Variants in MAML3 observed in about 807,000 individuals in gnomAD.
MAML3 encodes the protein mastermind like transcriptional coactivator 3.
MAML3 carries 27 observed loss-of-function variants against 101.9 expected under a neutral mutation model. The observed-to-expected ratio is 0.27, with a 90% CI of 0.20 to 0.37. MAML3 has a LOEUF of 0.37. Ranked by LOEUF, MAML3 falls within the 10% of genes least tolerant of loss-of-function variation. The pLI is 1.00. For missense variants in MAML3, 1,316 were observed against 1,444.9 expected, an observed-to-expected ratio of 0.91 and a Z score of 1.45; for synonymous variants, 501 against 555.9, an observed-to-expected ratio of 0.90 and a Z score of 1.39.
At chr4:139,792,444 C>A (rs988505605) in intron 2 of MAML3, among the ~76,000 whole-genome samples, 11 of 152,176 alleles carry the variant, frequency 7.2e-5, no homozygotes, top group African/African-American at 2.7e-4. Flanking sequence ...TCATAAGGAT[C>A]TGAGTTACAA....
intron 2 of MAML3, among the ~76,000 whole-genome samples, chr4:139,737,609 C>T (rs1330295584): frequency 6.6e-6 from 1 of 151,988 alleles, no homozygotes; most frequent in Non-Finnish European, 1.5e-5. Context: ...TCTGTGGTAT[C>T]AACTTTGACA....
intron 2 of MAML3, among the ~76,000 whole-genome samples, chr4:139,756,684 C>T (rs898365908): frequency 3.3e-5 from 5 of 152,186 alleles, no homozygotes; most frequent in Non-Finnish European, 5.9e-5. Flanking sequence ...CTGCACCTTC[C>T]CCCTACATTC....
intron 1 of MAML3, among the ~76,000 whole-genome samples, chr4:139,972,396 C>G (rs1485656514): frequency 6.6e-6 from 1 of 152,194 alleles, no homozygotes; most frequent in East Asian, 1.9e-4. Context: ...AAATGACCAT[C>G]AGAACCAGTT....
At chr4:139,825,721 T>A (rs1055892047) in intron 2 of MAML3, among the ~76,000 whole-genome samples, 3 of 150,624 alleles carry the variant, frequency 2.0e-5, no homozygotes. Flanking sequence ...TCTCATCACG[T>A]CACTGACCTA....
intron 1 of MAML3, among the ~76,000 whole-genome samples, chr4:139,936,656 C>T (rs1733511093): frequency 6.6e-6 from 1 of 152,088 alleles, no homozygotes; most frequent in Admixed American, 6.6e-5. Context: ...ATGATCATAC[C>T]TGTGAATAGC....
At chr4:140,039,943 C>G (rs532291342) in intron 1 of MAML3, among the ~76,000 whole-genome samples, 1 of 152,098 alleles carries the variant, frequency 6.6e-6, no homozygotes, top group Non-Finnish European at 1.5e-5. Context: ...ACTGCTGGAG[C>G]GGGCAAACAA....
chr4:139,875,916 CAAAAAAA>C (rs57104878), intron 2 of MAML3, among the ~76,000 whole-genome samples: 2,688 of 81,572 alleles, frequency 0.033, 40 homozygotes, highest in Middle Eastern at 0.14. Flanking sequence ...TCACAAACAG[CAAAAAAA>C]AAAAAAAAAA....
chr4:139,932,792 C>T (rs978488503), intron 1 of MAML3, among the ~76,000 whole-genome samples: 1 of 152,172 alleles, frequency 6.6e-6, no homozygotes, highest in Non-Finnish European at 1.5e-5. Flanking sequence ...ACTAGTTTCA[C>T]GCCAGCCATG....
chr4:140,074,199 GAGAAAGAA>G (rs57126361), intron 1 of MAML3, among the ~76,000 whole-genome samples: 1,874 of 81,882 alleles, frequency 0.023, 42 homozygotes, highest in Middle Eastern at 0.038. Flanking sequence ...GAGAAAGAAA[GAGAAAGAA>G]AGAAAGAAAG....
chr4:139,760,888 C>A (rs1729743581), intron 2 of MAML3, among the ~76,000 whole-genome samples: 1 of 152,200 alleles, frequency 6.6e-6, no homozygotes, highest in South Asian at 2.1e-4. Context: ...TCTTGAAATA[C>A]TTGAGGAATT....
At chr4:139,749,694 C>T (rs1684557061) in intron 2 of MAML3, among the ~76,000 whole-genome samples, 1 of 152,228 alleles carries the variant, frequency 6.6e-6, no homozygotes, top group African/African-American at 2.4e-5. Flanking sequence ...ATGCAATTCA[C>T]AGACCCGCGG....
At chr4:139,728,281 C>G (rs542470672) in intron 3 of MAML3, among the ~76,000 whole-genome samples, 2 of 152,300 alleles carry the variant, frequency 1.3e-5, no homozygotes, top group South Asian at 2.1e-4. Flanking sequence ...ACAACCTGCA[C>G]TAAATCTGCA....
intron 2 of MAML3, among the ~76,000 whole-genome samples, chr4:139,799,685 C>T (rs1000928109): frequency 1.3e-5 from 2 of 152,200 alleles, no homozygotes; most frequent in Admixed American, 6.5e-5. Context: ...GAGATGCATT[C>T]TTATCTTTCC....
At chr4:139,885,100 T>A (rs1222030046) in intron 2 of MAML3, among the ~76,000 whole-genome samples, 1 of 152,194 alleles carries the variant, frequency 6.6e-6, no homozygotes, top group Non-Finnish European at 1.5e-5. Flanking sequence ...TCCCATCACA[T>A]AGAAATAATA....
Position 139,798,032 on chromosome 4 carries a change from GAGAGAA to G in MAML3, c.2080-67371_2080-67366del, listed in dbSNP as rs1730541862. 4.4e-5 allele frequency among the ~76,000 whole-genome samples: 5 copies of G among 114,164 alleles called. No homozygotes were observed. In the East Asian group the frequency reaches 1.3e-3, roughly 29 times the overall value. 74.9% of individuals were successfully genotyped at this position (114,164 alleles called of 152,430 possible). A position where few individuals can be genotyped will look rare whatever the true frequency, so the allele number is the denominator to read the frequency against. On this transcript the variant is annotated intron_variant, in intron 2 of 4. Transcript: ENST00000509479. Reference sequence around the variant, plus strand: ...AGAAAGGAAGGAAAGAAAGGAGAGAGAGAGAAAGAAAGAAAGAAAGAAAGAAAGAAA... The same window carrying G: ...AGAAAGGAAGGAAAGAAAGGAGAGAGAGAAAGAAAGAAAGAAAGAAAGAAA...
intron 1 of MAML3, among the ~76,000 whole-genome samples, chr4:140,017,103 G>A (rs1330589314): frequency 2.0e-5 from 3 of 152,134 alleles, no homozygotes; most frequent in African/African-American, 7.2e-5. Context: ...TCAAAACACA[G>A]CAGTAAGAAA....
At chr4:139,962,894 C>CTT (rs11458199) in intron 1 of MAML3, among the ~76,000 whole-genome samples, 2 of 151,932 alleles carry the variant, frequency 1.3e-5, no homozygotes, top group African/African-American at 4.8e-5. Flanking sequence ...CTTGGTGCTT[C>CTT]TTTTTTTTAC....
At chr4:140,114,926 G>A (rs562600659) in intron 1 of MAML3, among the ~76,000 whole-genome samples, 1 of 152,188 alleles carries the variant, frequency 6.6e-6, no homozygotes, top group South Asian at 2.1e-4. Flanking sequence ...AAAATTTACA[G>A]TTGCCCCAAT....
intron 2 of MAML3, among the ~76,000 whole-genome samples, chr4:139,790,203 T>G (rs1046988672): frequency 1.7e-5 from 2 of 118,554 alleles, no homozygotes; most frequent in Admixed American, 1.9e-4. Flanking sequence ...ATGTGTCAAC[T>G]CCACCCTAGT....
Sources: gnomAD v4.1 joint callset for allele counts (sites outside exome capture counted in the v4.1 genomes callset) on GRCh38, gnomAD v4.1.1 for gene constraint, MANE v1.5 for transcripts, NCBI Gene and HGNC (gene_info 2026-07-23, HGNC 2026-07-21) for gene names.